The following APP variants were observed in gnomAD, a reference collection of about 807,000 sequenced individuals.
APP encodes the protein amyloid beta precursor protein, also known as amyloid-beta precursor protein.
A neutral mutation model predicts 101.4 loss-of-function variants in APP; 31 were observed. The ratio of observed to expected loss-of-function variants is 0.31; its 90% CI spans 0.23 to 0.41. The LOEUF (loss-of-function observed/expected upper bound fraction) is 0.41, where lower values mean the gene tolerates loss of function less well. Ranked by LOEUF, APP falls within the 10% of genes least tolerant of loss-of-function variation. APP has a pLI of 1.00. For missense variants in APP, 839 were observed against 1,003.7 expected, an observed-to-expected ratio of 0.84 and a Z score of 2.22; for synonymous variants, 366 against 364.4, an observed-to-expected ratio of 1.00 and a Z score of -0.05.
intron 1 of APP, among the ~76,000 whole-genome samples, chr21:26,159,919 C>T (rs933246900): frequency 2.0e-5 from 3 of 152,070 alleles, no homozygotes; most frequent in Admixed American, 6.5e-5. Context: ...ATAGCAAATA[C>T]GAAGAAAGGA....
chr21:26,088,578 T>G (rs2061751474), intron 3 of APP, among the ~76,000 whole-genome samples: 1 of 152,254 alleles, frequency 6.6e-6, no homozygotes, highest in Non-Finnish European at 1.5e-5. Context: ...TACTGAATTG[T>G]TCAATCTCTG....
At chr21:26,034,392 C>T (rs146183529) in intron 5 of APP, among the ~76,000 whole-genome samples, 1 of 151,968 alleles carries the variant, frequency 6.6e-6, no homozygotes, top group Non-Finnish European at 1.5e-5. Context: ...GGCCTGTAAT[C>T]CCAGCACTCT....
intron 16 of APP, among the ~76,000 whole-genome samples, chr21:25,893,646 G>A (rs1167998985): frequency 6.6e-6 from 1 of 152,204 alleles, no homozygotes; most frequent in Non-Finnish European, 1.5e-5. Context: ...TGAAGGATGA[G>A]AGAGGTGAAG....
chr21:26,038,640 C>T (rs142433855), intron 5 of APP, among the ~76,000 whole-genome samples: 3,225 of 152,072 alleles, frequency 0.021, 102 homozygotes, highest in African/African-American at 0.074. Flanking sequence ...GGCAGGCACC[C>T]GTAATCCCAG....
intron 13 of APP, among the ~76,000 whole-genome samples, chr21:25,918,720 G>C (rs939736202): frequency 7.3e-5 from 11 of 151,648 alleles, no homozygotes; most frequent in African/African-American, 2.7e-4. Context: ...CACCTGGCTC[G>C]GAGGGTCCTA....
At chr21:25,897,804 CTT>C (rs1321941772) in intron 15 of APP, 131 bp from the exon 16 acceptor site, 21 of 740,958 alleles carry the variant, frequency 2.8e-5, no homozygotes, top group Admixed American at 4.4e-5. Flanking sequence ...ATAAATGACT[CTT>C]AAAGAAAAAT....
chr21:26,139,130 T>A (rs2062985997), intron 1 of APP, among the ~76,000 whole-genome samples: 1 of 151,892 alleles, frequency 6.6e-6, no homozygotes, highest in African/African-American at 2.4e-5. Flanking sequence ...GATGCAACAT[T>A]ACGTAAGGGA....
At chr21:26,023,540 AAAAC>A (rs905113561) in intron 5 of APP, among the ~76,000 whole-genome samples, 1 of 150,870 alleles carries the variant, frequency 6.6e-6, no homozygotes, top group African/African-American at 2.5e-5. Context: ...TGCCTCCTTA[AAAAC>A]AAACAAAAAC....
At chr21:26,124,584 G>A (rs2062642963) in intron 1 of APP, among the ~76,000 whole-genome samples, 2 of 152,146 alleles carry the variant, frequency 1.3e-5, no homozygotes, top group African/African-American at 2.4e-5. Flanking sequence ...TAATCCTGCT[G>A]CTAAAAGCCT....
rs141215703 is a variant in APP, at chr21:26,084,915, G to A, written c.355+5028C>T. On this transcript the variant is annotated intron_variant, in intron 3 of 17. Transcript: ENST00000346798. ...AACAAATTAATGATCATTCTGTGTC[G>A]ACTTTCAAGTCTTTTGACTTTTTTC... Among the ~76,000 whole-genome samples the A allele has an allele frequency of 6.6e-5, 10 of 152,188 alleles. No homozygotes were observed. In the East Asian group the frequency reaches 1.4e-3, roughly 21 times the overall value.
At chr21:25,914,083 T>G (rs2146327571) in intron 13 of APP, among the ~76,000 whole-genome samples, 1 of 152,184 alleles carries the variant, frequency 6.6e-6, no homozygotes, top group Non-Finnish European at 1.5e-5. Context: ...ACCTTTCCTG[T>G]TTTCTAATCA....
intron 13 of APP, among the ~76,000 whole-genome samples, chr21:25,912,203 G>T (rs1363532529): frequency 2.0e-5 from 3 of 152,250 alleles, no homozygotes; most frequent in Admixed American, 6.5e-5. Flanking sequence ...CAGGACTGCA[G>T]GCAGGAGCAT....
intron 13 of APP, among the ~76,000 whole-genome samples, chr21:25,939,201 C>T (rs902891194): frequency 1.3e-5 from 2 of 152,128 alleles, no homozygotes; most frequent in East Asian, 1.9e-4. Context: ...CCTTGAGGAG[C>T]TGTTGGCAGC....
chr21:26,048,763 G>C (rs542267927), intron 5 of APP, among the ~76,000 whole-genome samples: 1 of 152,012 alleles, frequency 6.6e-6, no homozygotes, highest in African/African-American at 2.4e-5. Context: ...CACCTGTAAA[G>C]ACTTGTAAAG....
intron 13 of APP, among the ~76,000 whole-genome samples, chr21:25,928,373 A>AC (rs1555897426): frequency 6.7e-5 from 10 of 149,074 alleles, no homozygotes; most frequent in East Asian, 5.9e-4. Context: ...AAACAAACAA[A>AC]AAAACCAAGT....
At chr21:26,153,065 T>A (rs73170204) in intron 1 of APP, among the ~76,000 whole-genome samples, 14,070 of 152,226 alleles carry the variant, frequency 0.092, 892 homozygotes, top group Admixed American at 0.15. Context: ...AAACCGTATG[T>A]TCTCTCTTAT....
chr21:26,033,090 A>T (rs983991244), intron 5 of APP, among the ~76,000 whole-genome samples: 13 of 152,250 alleles, frequency 8.5e-5, no homozygotes, highest in African/African-American at 3.1e-4. Context: ...AGGACACTGT[A>T]GAAACAGGGA....
At chr21:26,077,841 G>A (rs1240942222) in intron 3 of APP, among the ~76,000 whole-genome samples, 1 of 151,570 alleles carries the variant, frequency 6.6e-6, no homozygotes, top group Non-Finnish European at 1.5e-5. Flanking sequence ...AATTTATCAG[G>A]GGATATGGAA....
intron 11 of APP, among the ~76,000 whole-genome samples, chr21:25,965,149 T>C (rs1324100153): frequency 6.6e-6 from 1 of 152,210 alleles, no homozygotes; most frequent in African/African-American, 2.4e-5. Flanking sequence ...TGGACTTGTA[T>C]GTCTTCAAGC....
Sources: allele counts gnomAD v4.1 joint callset (sites outside exome capture counted in the v4.1 genomes callset), GRCh38; gene constraint gnomAD v4.1.1; transcripts MANE v1.5; gene names NCBI Gene and HGNC (gene_info 2026-07-23, HGNC 2026-07-21).